GMDS: variants seen among roughly 807,000 people sequenced by gnomAD.
The protein encoded by GMDS is GDP-mannose 4,6 dehydratase.
GMDS carries 20 observed loss-of-function variants against 49.9 expected under a neutral mutation model. The observed-to-expected ratio is 0.40, with a 90% CI of 0.28 to 0.58. The LOEUF (loss-of-function observed/expected upper bound fraction) is 0.58, where lower values mean the gene tolerates loss of function less well. Among genes scored for constraint, GMDS ranks in the 20% least tolerant of loss-of-function variants. GMDS has a pLI of 0.42. For synonymous variants in GMDS, 177 were observed against 178.6 expected (o/e 0.99, Z 0.07); for missense variants, 362 against 481.4 (o/e 0.75, Z 2.32).
intron 2 of GMDS, among the ~76,000 whole-genome samples, chr6:2,119,551 AC>A (rs1775026688): frequency 6.6e-6 from 1 of 152,200 alleles, no homozygotes; most frequent in African/African-American, 2.4e-5. Context: ...TGAAATACAA[AC>A]TTCAAGACAA....
chr6:1,911,225 T>C (rs1374138582), intron 7 of GMDS, among the ~76,000 whole-genome samples: 2 of 152,202 alleles, frequency 1.3e-5, no homozygotes, highest in Non-Finnish European at 2.9e-5. Flanking sequence ...TCCAGGGACA[T>C]GCTAATGTCT....
chr6:2,178,341 C>A (rs897705461), intron 1 of GMDS, among the ~76,000 whole-genome samples: 1 of 152,082 alleles, frequency 6.6e-6, no homozygotes, highest in Admixed American at 6.5e-5. Flanking sequence ...AGCTTACAAT[C>A]ATGGTGGAAG....
intron 1 of GMDS, among the ~76,000 whole-genome samples, chr6:2,140,101 T>C (rs899642636): frequency 2.0e-5 from 3 of 152,202 alleles, no homozygotes; most frequent in Admixed American, 2.0e-4. Context: ...CTGTGACTGA[T>C]ACCTCATATT....
At chr6:2,065,214 T>C (rs550258169) in intron 4 of GMDS, among the ~76,000 whole-genome samples, 1 of 152,116 alleles carries the variant, frequency 6.6e-6, no homozygotes, top group Non-Finnish European at 1.5e-5. Context: ...CTGAGGGTCC[T>C]GTCTGTTAGA....
At chr6:2,178,322 G>T (rs1215464042) in intron 1 of GMDS, among the ~76,000 whole-genome samples, 1 of 152,174 alleles carries the variant, frequency 6.6e-6, no homozygotes, top group Non-Finnish European at 1.5e-5. Flanking sequence ...TTCTGGGGAG[G>T]CCTCAGGAAG....
At chr6:1,759,420 G>A (rs567336310) in intron 7 of GMDS, among the ~76,000 whole-genome samples, 1 of 152,328 alleles carries the variant, frequency 6.6e-6, no homozygotes, top group South Asian at 2.1e-4. Flanking sequence ...TCCCTTTCCT[G>A]TATTCTTGCG....
intron 9 of GMDS, among the ~76,000 whole-genome samples, chr6:1,725,465 C>T (rs1766548235): frequency 6.6e-6 from 1 of 151,562 alleles, no homozygotes. Flanking sequence ...GAGTTTCACT[C>T]TTGTTGCCTA....
chr6:2,036,328 T>C (rs548629332), intron 4 of GMDS, among the ~76,000 whole-genome samples: 1 of 152,292 alleles, frequency 6.6e-6, no homozygotes, highest in Non-Finnish European at 1.5e-5. Context: ...CACATCAGTA[T>C]AACAGATTAT....
At chr6:1,757,730 A>C (rs1257466564) in intron 7 of GMDS, among the ~76,000 whole-genome samples, 2 of 152,220 alleles carry the variant, frequency 1.3e-5, no homozygotes, top group Non-Finnish European at 2.9e-5. Flanking sequence ...TATGGACATC[A>C]CAGTGCGTGC....
intron 4 of GMDS, among the ~76,000 whole-genome samples, chr6:2,069,419 G>A (rs1048848036): frequency 5.7e-4 from 86 of 152,052 alleles, no homozygotes; most frequent in African/African-American, 2.1e-3. Flanking sequence ...TGACAAATGG[G>A]ATCTCATTAA....
At chr6:1,933,745 A>G (rs1193786822) in intron 6 of GMDS, among the ~76,000 whole-genome samples, 1 of 152,190 alleles carries the variant, frequency 6.6e-6, no homozygotes, top group East Asian at 1.9e-4. Flanking sequence ...GAGTTGTAAG[A>G]ATTCTTTATA....
At chr6:1,823,469 A>G (rs1770978117) in intron 7 of GMDS, among the ~76,000 whole-genome samples, 1 of 152,188 alleles carries the variant, frequency 6.6e-6, no homozygotes, top group South Asian at 2.1e-4. Flanking sequence ...GTTCTTACAC[A>G]GCTGAGCACA....
At chr6:1,694,305 T>C (rs150349169) in intron 9 of GMDS, among the ~76,000 whole-genome samples, 417 of 152,302 alleles carry the variant, frequency 2.7e-3, no homozygotes, top group African/African-American at 8.0e-3. Context: ...AATTTTAGCA[T>C]TGTTAAAAAA....
rs770686897 is a variant in GMDS at position 2,117,498 on chromosome 6, T to C, written c.206A>G (p.Tyr69Cys). The change falls in exon 3 of 11, where the codon TAT becomes TGT. Residue 69 changes from tyrosine to cysteine, a missense_variant. Transcript: ENST00000380815. ...TTCAATGTGAGCCTGGGGATTCTTA[T>C]ACAGATGCTCAATTCGACCCGTATT... is the stretch of plus-strand genomic sequence containing the variant. The part of the protein sequence containing the change: ...SFNTGRIEHL[Y>C]KNPQAHIEGN... The C allele has an allele frequency of 1.9e-6, 3 of 1,605,928 alleles. No individual in the cohort carries two copies. Among genetic ancestry groups the C allele is most frequent in the South Asian group, 1.1e-5 (1 of 90,894 alleles).
At chr6:1,636,613 G>A (rs1249874662) in intron 9 of GMDS, among the ~76,000 whole-genome samples, 1 of 152,212 alleles carries the variant, frequency 6.6e-6, no homozygotes, top group Non-Finnish European at 1.5e-5. Flanking sequence ...GGCCCCCATG[G>A]AGGAACGGGC....
chr6:1,801,699 G>A (rs557246724), intron 7 of GMDS, among the ~76,000 whole-genome samples: 1 of 152,202 alleles, frequency 6.6e-6, no homozygotes, highest in Non-Finnish European at 1.5e-5. Flanking sequence ...GGGCAGCCCC[G>A]GGCACAAGCC....
intron 4 of GMDS, among the ~76,000 whole-genome samples, chr6:2,104,977 T>C (rs1774144200): frequency 6.6e-6 from 1 of 151,754 alleles, no homozygotes; most frequent in Non-Finnish European, 1.5e-5. Context: ...AGTCAGGAGA[T>C]CGAGACCATC....
At chr6:2,066,926 T>C (rs957059384) in intron 4 of GMDS, among the ~76,000 whole-genome samples, 2 of 152,022 alleles carry the variant, frequency 1.3e-5, no homozygotes, top group African/African-American at 4.8e-5. Flanking sequence ...AATACACATC[T>C]ACAGAACCCT....
intron 7 of GMDS, among the ~76,000 whole-genome samples, chr6:1,867,668 T>C (rs1265151361): frequency 6.6e-6 from 1 of 152,194 alleles, no homozygotes; most frequent in Non-Finnish European, 1.5e-5. Flanking sequence ...TCTTAGAGGA[T>C]AGGGAGATAT....
Sources: allele counts gnomAD v4.1 joint callset (sites outside exome capture counted in the v4.1 genomes callset), GRCh38; gene constraint gnomAD v4.1.1; transcripts MANE v1.5; gene names NCBI Gene and HGNC (gene_info 2026-07-23, HGNC 2026-07-21).